Variants in USP47 observed in about 807,000 individuals in gnomAD.
USP47 encodes ubiquitin specific peptidase 47, also known as ubiquitin carboxyl-terminal hydrolase 47.
USP47 carries 35 observed loss-of-function variants against 165.1 expected under a neutral mutation model. The ratio of observed to expected loss-of-function variants is 0.21; its 90% CI spans 0.16 to 0.28. The LOEUF (loss-of-function observed/expected upper bound fraction) is 0.28. Among genes scored for constraint, USP47 ranks in the 10% least tolerant of loss-of-function variants. The pLI is 1.00. For synonymous variants in USP47, 531 were observed against 544.5 expected (o/e 0.98, Z 0.35); for missense variants, 1,277 against 1,607.4 (o/e 0.79, Z 3.52).
At chr11:11,874,562 C>CT (rs563500431) in intron 1 of USP47, among the ~76,000 whole-genome samples, 18,986 of 144,914 alleles carry the variant, frequency 0.13, 1,492 homozygotes, top group Middle Eastern at 0.39. Context: ...GAAGCTGATA[C>CT]TTTTTTTTTT....
At chr11:11,861,857 TA>T (rs1849404474) in intron 1 of USP47, among the ~76,000 whole-genome samples, 1 of 152,206 alleles carries the variant, frequency 6.6e-6, no homozygotes, top group Admixed American at 6.5e-5. Context: ...TAGTGACATG[TA>T]ATTTATAACA....
rs551293516 is a variant in USP47, at chr11:11,847,093, A to C, written c.39+4869A>C. Among the ~76,000 whole-genome samples, 12 of 152,294 alleles carry C rather than the reference A, an allele frequency of 7.9e-5. 1 individual carries two copies. In the South Asian group the frequency reaches 2.3e-3, roughly 29 times the overall value. On this transcript the variant is annotated intron_variant, in intron 1 of 27. Coordinates refer to ENST00000527733, the MANE Select transcript of USP47 (RefSeq NM_001282659.2). ...TAATTTTGTCCAGGAAAAAATGAACAATTTAGGGTTAAATGCGTTGAAAGA... is the reference window on the plus strand; with the variant it reads ...TAATTTTGTCCAGGAAAAAATGAACCATTTAGGGTTAAATGCGTTGAAAGA...
At chr11:11,938,489 G>A (rs1215202591) in intron 18 of USP47, 117 bp downstream of exon 18, 4 of 718,306 alleles carry the variant, frequency 5.6e-6, no homozygotes, top group East Asian at 2.7e-5. Flanking sequence ...ATTAATATTT[G>A]TAGTTAGGAG....
chr11:11,913,258 C>CAAAAAAAA (rs796881838), intron 8 of USP47, among the ~76,000 whole-genome samples: 11 of 79,250 alleles, frequency 1.4e-4, no homozygotes, highest in East Asian at 4.1e-4. Flanking sequence ...ATCCCTTGTA[C>CAAAAAAAA]AAAAAAAAAA....
chr11:11,859,553 C>A (rs762998801), intron 1 of USP47, among the ~76,000 whole-genome samples: 1 of 152,074 alleles, frequency 6.6e-6, no homozygotes, highest in African/African-American at 2.4e-5. Context: ...TGTGAGAATG[C>A]CAGTCAGAAA....
At chr11:11,864,459 A>G (rs1352473962) in intron 1 of USP47, among the ~76,000 whole-genome samples, 1 of 152,136 alleles carries the variant, frequency 6.6e-6, no homozygotes, top group Non-Finnish European at 1.5e-5. Context: ...TTGTACTACC[A>G]TCACCATCAT....
At chr11:11,892,380 C>CT (rs1300802562) in intron 4 of USP47, among the ~76,000 whole-genome samples, 24,714 of 120,922 alleles carry the variant, frequency 0.2, 3,678 homozygotes, top group Admixed American at 0.33. Flanking sequence ...TTTTAATTTT[C>CT]TTTTTTTTTT....
chr11:11,883,497 G>A (rs1335070714), intron 2 of USP47, among the ~76,000 whole-genome samples: 4 of 151,910 alleles, frequency 2.6e-5, no homozygotes, highest in Admixed American at 6.6e-5. Context: ...AATTTTTTTT[G>A]TCCTCAGTAC....
intron 4 of USP47, among the ~76,000 whole-genome samples, chr11:11,892,837 A>AG (rs1261011599): frequency 2.7e-5 from 4 of 150,692 alleles, no homozygotes; most frequent in African/African-American, 9.7e-5. Context: ...AAAAAAAAGA[A>AG]AAAGAAAAAA....
In USP47 at chr11:11,940,365, T is replaced by C. The variant is rs1855380892; in HGVS notation, c.2194-64T>C. On this transcript the variant is annotated intron_variant, in intron 18 of 27. Transcript: ENST00000527733. ...AACTCAGCAGTGTCTTGCTTTCCCA[T>C]ATTTTTAAGTCAAGCAGAATTATTT... is the stretch of plus-strand genomic sequence containing the variant. The C allele has an allele frequency of 4.0e-6, 6 of 1,506,444 alleles. No homozygotes were observed. In the South Asian group the frequency reaches 7.7e-5, roughly 19 times the overall value. 93.3% of individuals were successfully genotyped at this position (1,506,444 alleles called of 1,614,324 possible).
chr11:11,959,121 T>C lies in USP47; in HGVS notation c.*2946T>C, dbSNP rs1236739189. On this transcript the variant is annotated 3_prime_UTR_variant, in exon 28 of 28. Transcript: ENST00000527733. The stretch of plus-strand genomic sequence containing the variant: ...TAAATCTGGAAGTGACCTGTGAATG[T>C]ATGGAATACAATAAAGTCTTTTATT... The C allele has an allele frequency of 1.3e-5, 2 of 152,256 alleles. No homozygotes were observed. Among genetic ancestry groups the C allele is most frequent in the African/African-American group, 2.4e-5 (1 of 41,468 alleles). 9.4% of individuals were successfully genotyped at this position (152,256 alleles called of 1,614,324 possible).
In USP47 at chr11:11,922,792, G is replaced by T. The variant is rs1488826873; in HGVS notation, c.1287G>T (p.Gln429His). 1 of 1,611,660 alleles carries T rather than the reference G, an allele frequency of 6.2e-7. No homozygotes were observed. The highest frequency in any genetic ancestry group is 8.5e-7 in the Non-Finnish European group (1 of 1,178,466). The stretch of plus-strand genomic sequence containing the variant: ...ATGAAGGTAGTTGTCACAGTGATCA[G>T]ATGAGCAACGATTTCTCCAATGATG... ...AENEGSCHSD[Q>H]MSNDFSNDDG... The change falls in exon 11 of 28, where the codon CAG (glutamine) becomes CAT (histidine). Residue 429 changes from glutamine to histidine, a missense_variant. Physicochemically the swap from Gln to His is conservative, Grantham distance 24. This residue lies in a region of USP47 where 175 missense variants were observed against 295.8 expected (regional missense o/e 0.59). Coordinates refer to ENST00000527733, the MANE Select transcript of USP47 (RefSeq NM_001282659.2).
chr11:11,909,633 A>G (rs1831812204), intron 8 of USP47, among the ~76,000 whole-genome samples: 1 of 152,134 alleles, frequency 6.6e-6, no homozygotes, highest in Non-Finnish European at 1.5e-5. Flanking sequence ...ACACTGTTCT[A>G]GGCCATTTTC....
chr11:11,923,119 A>G (rs970554735), intron 11 of USP47, among the ~76,000 whole-genome samples: 7 of 145,864 alleles, frequency 4.8e-5, no homozygotes, highest in Admixed American at 4.8e-4. Context: ...AACTGCTTAC[A>G]GGTAAGAACA....
chr11:11,916,045 A>ATTAT (rs1382480448), intron 8 of USP47, among the ~76,000 whole-genome samples: 17 of 152,186 alleles, frequency 1.1e-4, no homozygotes, highest in African/African-American at 3.9e-4. Flanking sequence ...CTGTGCCTGG[A>ATTAT]TTATTTGCAT....
chr11:11,878,165 T>C (rs1296123094), intron 1 of USP47, among the ~76,000 whole-genome samples: 1 of 152,238 alleles, frequency 6.6e-6, no homozygotes, highest in East Asian at 1.9e-4. Flanking sequence ...TTCACATATT[T>C]AGGGAAAGAA....
At chr11:11,842,802 G>A (rs1225850888) in intron 1 of USP47, among the ~76,000 whole-genome samples, 3 of 150,406 alleles carry the variant, frequency 2.0e-5, no homozygotes, top group Non-Finnish European at 4.4e-5. Flanking sequence ...TGTAAAGGAA[G>A]GAGATAGGAG....
intron 4 of USP47, among the ~76,000 whole-genome samples, chr11:11,892,822 AAAAAAAAAAAAAG>A (rs1380594450): frequency 9.4e-5 from 13 of 138,516 alleles, no homozygotes; most frequent in Admixed American, 8.4e-4. Context: ...CTCAAGTAAA[AAAAAAAAAAAAAG>A]AAAAAGAAAA....
chr11:11,953,480 A>G (rs1856354446), intron 25 of USP47, among the ~76,000 whole-genome samples: 1 of 152,096 alleles, frequency 6.6e-6, no homozygotes, highest in African/African-American at 2.4e-5. Context: ...TCCTGGAAAA[A>G]GATATTTGTA....
Sources: allele counts gnomAD v4.1 joint callset (sites outside exome capture counted in the v4.1 genomes callset), GRCh38; gene constraint gnomAD v4.1.1; regional missense constraint gnomAD v4.1.1; transcripts MANE v1.5; gene names NCBI Gene and HGNC (gene_info 2026-07-23, HGNC 2026-07-21).